The following ADAD1 variants were observed in gnomAD, a reference collection of about 807,000 sequenced individuals.
ADAD1 encodes the protein adenosine deaminase domain-containing protein 1.
A neutral mutation model predicts 66.8 loss-of-function variants in ADAD1; 46 were observed. The ratio of observed to expected loss-of-function variants is 0.69; its 90% confidence interval spans 0.54 to 0.88. The LOEUF (loss-of-function observed/expected upper bound fraction) is 0.88, where lower values mean the gene tolerates loss of function less well. Ranked by LOEUF, ADAD1 falls within the 40% of genes least tolerant of loss-of-function variation. The pLI, the probability that ADAD1 is intolerant of heterozygous loss-of-function variation, is 0.00. For missense variants in ADAD1, 617 were observed against 681.8 expected (o/e 0.91, Z 1.06); for synonymous variants, 248 against 229.4 (o/e 1.08, Z -0.73).
intron 5 of ADAD1, among the ~76,000 whole-genome samples, chr4:122,386,178 AT>A (rs1331440197): frequency 6.6e-6 from 1 of 152,100 alleles, no homozygotes; most frequent in Non-Finnish European, 1.5e-5. Flanking sequence ...AAGCATTCCT[AT>A]TTCTCCACAG....
intron 11 of ADAD1, among the ~76,000 whole-genome samples, chr4:122,418,610 C>T (rs1712558837): frequency 6.6e-6 from 1 of 152,118 alleles, no homozygotes; most frequent in Non-Finnish European, 1.5e-5. Flanking sequence ...GCGTGAGCCA[C>T]CAATAAACGT....
intron 7 of ADAD1, among the ~76,000 whole-genome samples, chr4:122,399,347 T>TGTTG (rs1437143487): frequency 6.6e-6 from 1 of 152,148 alleles, no homozygotes; most frequent in Admixed American, 6.6e-5. Flanking sequence ...CGTGCCTAGT[T>TGTTG]GTATACCAAT....
intron 5 of ADAD1, among the ~76,000 whole-genome samples, chr4:122,387,086 G>A (rs1194515584): frequency 1.3e-5 from 2 of 151,998 alleles, no homozygotes; most frequent in East Asian, 3.9e-4. Flanking sequence ...GTCAATGGTA[G>A]TTGCGAAAGT....
intron 12 of ADAD1, among the ~76,000 whole-genome samples, chr4:122,428,777 A>C (rs529428939): frequency 6.6e-6 from 1 of 152,158 alleles, no homozygotes; most frequent in Non-Finnish European, 1.5e-5. Flanking sequence ...AGGTGAGTAC[A>C]GTGGAACTTT....
intron 4 of ADAD1, among the ~76,000 whole-genome samples, chr4:122,381,875 CAT>C (rs147002949): frequency 0.015 from 2,319 of 152,300 alleles, 57 homozygotes; most frequent in African/African-American, 0.053. Context: ...TGTACACACA[CAT>C]GAGTAGTTAG....
At chr4:122,422,713 A>G (rs954603002) in intron 12 of ADAD1, among the ~76,000 whole-genome samples, 2 of 152,130 alleles carry the variant, frequency 1.3e-5, no homozygotes, top group African/African-American at 4.8e-5. Context: ...AAACCAGACA[A>G]AATTGTCAAA....
At chr4:122,397,175 G>A (rs1161548709) in intron 7 of ADAD1, among the ~76,000 whole-genome samples, 1 of 152,176 alleles carries the variant, frequency 6.6e-6, no homozygotes, top group South Asian at 2.1e-4. Flanking sequence ...GCACAGATTA[G>A]TCTGTGTACA....
intron 11 of ADAD1, among the ~76,000 whole-genome samples, chr4:122,416,223 A>T (rs1174677885): frequency 6.6e-6 from 1 of 152,178 alleles, no homozygotes; most frequent in Non-Finnish European, 1.5e-5. Flanking sequence ...TAACCCAGAC[A>T]TTTTATTTTC....
chr4:122,381,863 T>C (rs953887168), intron 4 of ADAD1, among the ~76,000 whole-genome samples: 1 of 152,042 alleles, frequency 6.6e-6, no homozygotes, highest in African/African-American at 2.4e-5. Flanking sequence ...TGTGTGTGTG[T>C]TTGTACACAC....
At chr4:122,413,576 T>C (rs1174210919) in intron 10 of ADAD1, among the ~76,000 whole-genome samples, 1 of 152,042 alleles carries the variant, frequency 6.6e-6, no homozygotes, top group Admixed American at 6.6e-5. Context: ...CCAGAAGTTA[T>C]TTCCATCCAG....
At chr4:122,413,386 G>A (rs527281202) in intron 10 of ADAD1, among the ~76,000 whole-genome samples, 130 of 152,102 alleles carry the variant, frequency 8.5e-4, no homozygotes, top group Middle Eastern at 3.4e-3. Flanking sequence ...CATTAAAAGG[G>A]CATTTACTAT....
rs180695026 is a variant in ADAD1, at chr4:122,406,687, C to T, written c.725-1221C>T. 3.3e-5 allele frequency among the ~76,000 whole-genome samples: 5 copies of T among 152,152 alleles called. No homozygotes were observed. The East Asian group carries it at 9.7e-4, about 29-fold the overall frequency. On this transcript the variant is annotated intron_variant, in intron 7 of 12. Transcript: ENST00000296513. ...CTTCATCTTACACCATCCCCTTCAC[C>T]CCACTTACTAGATTAGCTATACTTC...
chr4:122,429,574 A>T, intron 12 of ADAD1, 52 bp from the exon 13 acceptor site: 1 of 1,196,606 alleles, frequency 8.4e-7, no homozygotes. Flanking sequence ...GCTACTTTTC[A>T]GCAATCAAAT....
chr4:122,379,486 G>C (rs371206745), intron 2 of ADAD1, 41 bp downstream of exon 2: 1 of 152,542 alleles, frequency 6.6e-6, no homozygotes, highest in East Asian at 1.9e-4. Flanking sequence ...GCGCAAGCCC[G>C]GGTCCTGCAG....
At position 122,393,655 on chromosome 4, in the gene ADAD1, A is replaced by G. The variant is rs1795561095; in HGVS notation, c.596A>G (p.Tyr199Cys). ...SELAYVSKVH[Y>C]EGRHIQYAKI... The stretch of plus-strand genomic sequence containing the variant: ...CTAGCATATGTTTCAAAAGTACATT[A>G]TGGTAGGAAAGTTTTTTGTGACGTT... Residue 199 changes from tyrosine to cysteine, a missense_variant and splice_region_variant, in exon 6 of 13, where the codon TAT (tyrosine) becomes TGT (cysteine). By Grantham distance (194) the Tyr-to-Cys change is radical. Transcript: ENST00000296513. The G allele has an allele frequency of 3.1e-6, 5 of 1,590,368 alleles. No individual in the cohort carries two copies. The East Asian group carries it at 6.8e-5, about 22-fold the overall frequency.
At position 122,383,839 on chromosome 4, in the gene ADAD1, G is replaced by A. The variant is rs780632203; in HGVS notation, c.402G>A (p.Val134=). 1.3e-5 allele frequency: 21 copies of A among 1,612,664 alleles called. No homozygotes were observed. The highest frequency in any genetic ancestry group is 7.6e-6 in the Non-Finnish European group (9 of 1,179,592). The part of the protein sequence containing the change: ...MGPYFAFCAV[V]DGIQYKTGLG... Reference sequence around the variant, plus strand: ...CATATTTTGCCTTTTGTGCTGTGGTGGATGGTATTCAGTACAAGACTGGAC... The same window carrying A: ...CATATTTTGCCTTTTGTGCTGTGGTAGATGGTATTCAGTACAAGACTGGAC... Residue 134 remains valine (V), a synonymous_variant, in exon 5 of 13, where the codon GTG becomes GTA. Coordinates refer to ENST00000296513, the MANE Select transcript of ADAD1 (RefSeq NM_139243.4).
chr4:122,380,632 G>A (rs1009296272), intron 3 of ADAD1: 4 of 303,262 alleles, frequency 1.3e-5, no homozygotes, highest in Non-Finnish European at 1.8e-5. Context: ...GTGGATGGGA[G>A]CCAGAAGCTA....
rs1020001464 is a variant in ADAD1 at position 122,425,814 on chromosome 4, T to C, written c.1618-3812T>C. On this transcript the variant is annotated intron_variant, in intron 12 of 12. Transcript: ENST00000296513. Reference sequence around the variant, plus strand: ...AGATTTCGGTATTTCTAGGGGGTCCTCGAACCAATTCCCCATGGATACCAA... The same window carrying C: ...AGATTTCGGTATTTCTAGGGGGTCCCCGAACCAATTCCCCATGGATACCAA... Among the ~76,000 whole-genome samples, 111 of 152,116 alleles carry C rather than the reference T, an allele frequency of 7.3e-4. 1 individual carries two copies. Among genetic ancestry groups the C allele is most frequent in the African/African-American group, 2.6e-3 (109 of 41,544 alleles).
rs1201886599 is a variant in ADAD1, at chr4:122,427,554, A to C, written c.1618-2072A>C. The stretch of plus-strand genomic sequence containing the variant: ...TTTTTTTTTTTTTTTTTTTTTCCTG[A>C]TGCGGAGTCTTGCTCTGTCACCCAG... On this transcript the variant is annotated intron_variant, in intron 12 of 12. Coordinates refer to ENST00000296513, the MANE Select transcript of ADAD1 (RefSeq NM_139243.4). Among the ~76,000 whole-genome samples, 3 of 56,444 alleles carry C rather than the reference A, an allele frequency of 5.3e-5. No individual in the cohort carries two copies. In the Admixed American group the frequency reaches 8.0e-4, roughly 15 times the overall value. The allele number at this position is 56,444 out of a possible 152,430, so 37.0% of individuals were successfully genotyped here. A position where few individuals can be genotyped will look rare whatever the true frequency, so the allele number is the denominator to read the frequency against.
Sources: gnomAD v4.1 joint callset for allele counts (sites outside exome capture counted in the v4.1 genomes callset) on GRCh38, gnomAD v4.1.1 for gene constraint, MANE v1.5 for transcripts, NCBI Gene and HGNC (gene_info 2026-07-23, HGNC 2026-07-21) for gene names.